The following GRM8 variants were observed in gnomAD, a reference collection of about 807,000 sequenced individuals.
GRM8 encodes glutamate metabotropic receptor 8.
In GRM8, 47 loss-of-function variants were observed where a neutral mutation model predicts 87.2. The ratio of observed to expected loss-of-function variants is 0.54; its 90% CI spans 0.43 to 0.69. The LOEUF (loss-of-function observed/expected upper bound fraction) is 0.69, where lower values mean the gene tolerates loss of function less well. Among genes scored for constraint, GRM8 ranks in the 30% least tolerant of loss-of-function variants. GRM8 has a pLI of 0.00. For missense variants in GRM8, 1,019 were observed against 1,139.2 expected (o/e 0.89, Z 1.52); for synonymous variants, 396 against 404.5 (o/e 0.98, Z 0.25).
In GRM8 at chr7:127,106,749, G is replaced by A. The variant is rs776156079; in HGVS notation, c.511-37C>T. On this transcript the variant is annotated intron_variant, in intron 2 of 10. Coordinates refer to ENST00000339582, the MANE Select transcript of GRM8 (RefSeq NM_000845.3). ...ATGATGGGTCATTTCAACCCATGAC[G>A]AATCTTGAAGAATGATGGATTGTCA... The A allele has an allele frequency of 1.5e-5, 20 of 1,353,496 alleles. No individual in the cohort carries two copies. The Middle Eastern group carries it at 2.0e-3, about 133-fold the overall frequency. The allele number at this position is 1,353,496 out of a possible 1,614,324, so 83.8% of individuals were successfully genotyped here. A position where few individuals can be genotyped will look rare whatever the true frequency, so the allele number is the denominator to read the frequency against.
intron 6 of GRM8, among the ~76,000 whole-genome samples, chr7:126,897,668 G>A (rs1365006071): frequency 1.3e-5 from 2 of 151,906 alleles, no homozygotes; most frequent in African/African-American, 2.4e-5. Flanking sequence ...TTTTCTTCTC[G>A]AGAAAGACAA....
At chr7:127,040,961 G>A (rs11971261) in intron 3 of GRM8, among the ~76,000 whole-genome samples, 38,605 of 152,204 alleles carry the variant, frequency 0.25, 5,855 homozygotes, top group Non-Finnish European at 0.35. Flanking sequence ...TCCAATCCTT[G>A]CATCTCCAAT....
intron 3 of GRM8, among the ~76,000 whole-genome samples, chr7:127,067,891 C>T (rs538756190): frequency 3.3e-5 from 5 of 152,186 alleles, no homozygotes; most frequent in African/African-American, 1.2e-4. Context: ...TCATGTAAAA[C>T]TTGAATTTAA....
At chr7:126,475,208 G>C (rs1282337164) in intron 9 of GRM8, among the ~76,000 whole-genome samples, 2 of 151,956 alleles carry the variant, frequency 1.3e-5, no homozygotes, top group Non-Finnish European at 2.9e-5. Context: ...GTTTACAAAT[G>C]ACATGATTTT....
intron 7 of GRM8, among the ~76,000 whole-genome samples, chr7:126,753,005 T>C (rs1816595747): frequency 6.6e-6 from 1 of 152,118 alleles, no homozygotes; most frequent in African/African-American, 2.4e-5. Context: ...ATGCCTAGTA[T>C]ACAGTAAGCA....
At chr7:127,015,241 GA>G in intron 3 of GRM8, among the ~76,000 whole-genome samples, 1 of 120,764 alleles carries the variant, frequency 8.3e-6, no homozygotes, top group Non-Finnish European at 1.7e-5. Context: ...AGAAGAAGAA[GA>G]AGAAGAAGAA....
intron 6 of GRM8, among the ~76,000 whole-genome samples, chr7:126,813,195 AG>A (rs1793464966): frequency 6.6e-6 from 1 of 152,066 alleles, no homozygotes; most frequent in Non-Finnish European, 1.5e-5. Context: ...CTTCCTAGGG[AG>A]GTGACTATTA....
chr7:127,135,372 G>T (rs1041727375), intron 2 of GRM8, among the ~76,000 whole-genome samples: 5 of 151,906 alleles, frequency 3.3e-5, no homozygotes, highest in Non-Finnish European at 7.4e-5. Context: ...AAAATTTTAG[G>T]TGGTGTTTGA....
At chr7:127,076,224 AG>A (rs1822243414) in intron 3 of GRM8, 1 of 456,506 alleles carries the variant, frequency 2.2e-6, no homozygotes, top group Admixed American at 2.3e-5. Context: ...AATCCCAAAC[AG>A]GGATGGATAA....
At chr7:126,750,688 A>T (rs2151540616) in intron 7 of GRM8, among the ~76,000 whole-genome samples, 1 of 152,118 alleles carries the variant, frequency 6.6e-6, no homozygotes, top group Non-Finnish European at 1.5e-5. Context: ...TTTGCTCCTC[A>T]GTTCCTGTTT....
chr7:126,478,589 T>C (rs1452825229), intron 9 of GRM8, among the ~76,000 whole-genome samples: 2 of 152,130 alleles, frequency 1.3e-5, no homozygotes, highest in African/African-American at 2.4e-5. Flanking sequence ...TTGCATACTG[T>C]TTATTACATT....
chr7:126,727,298 T>C (rs1361956687), intron 7 of GRM8, among the ~76,000 whole-genome samples: 1 of 152,038 alleles, frequency 6.6e-6, no homozygotes, highest in Non-Finnish European at 1.5e-5. Context: ...ATGCTGATCA[T>C]TGACATTCAT....
intron 6 of GRM8, among the ~76,000 whole-genome samples, chr7:126,858,068 AAAT>A (rs1392010385): frequency 6.6e-6 from 1 of 152,178 alleles, no homozygotes; most frequent in Non-Finnish European, 1.5e-5. Flanking sequence ...TCATCAAAGA[AAAT>A]AATAACCCCA....
intron 3 of GRM8, among the ~76,000 whole-genome samples, chr7:126,927,031 G>A (rs1176527953): frequency 6.6e-6 from 1 of 152,194 alleles, no homozygotes; most frequent in Non-Finnish European, 1.5e-5. Flanking sequence ...ATACATGTTT[G>A]TTGGATTAAC....
intron 2 of GRM8, among the ~76,000 whole-genome samples, chr7:127,132,777 G>A (rs534864131): frequency 1.2e-3 from 181 of 152,022 alleles, no homozygotes; most frequent in African/African-American, 4.2e-3. Context: ...AAAGGGTCTG[G>A]GCACTCTAGG....
intron 3 of GRM8, among the ~76,000 whole-genome samples, chr7:127,028,113 T>A (rs938213410): frequency 2.0e-5 from 3 of 152,194 alleles, no homozygotes; most frequent in Non-Finnish European, 4.4e-5. Context: ...TTGGTTCTGT[T>A]TATGTGACAG....
intron 3 of GRM8, among the ~76,000 whole-genome samples, chr7:127,095,168 G>A (rs1422503645): frequency 6.6e-6 from 1 of 152,232 alleles, no homozygotes; most frequent in Admixed American, 6.5e-5. Flanking sequence ...AGGATCTGAA[G>A]TGTAAGTCAA....
chr7:127,139,017 T>C (rs1390546755), intron 2 of GRM8, among the ~76,000 whole-genome samples: 1 of 152,144 alleles, frequency 6.6e-6, no homozygotes, highest in Non-Finnish European at 1.5e-5. Context: ...CAGACAGATA[T>C]ATGCGACATG....
chr7:126,481,446 C>T (rs960810798), intron 9 of GRM8, among the ~76,000 whole-genome samples: 5 of 151,992 alleles, frequency 3.3e-5, no homozygotes, highest in African/African-American at 1.2e-4. Flanking sequence ...GGTTCATTCA[C>T]ATGTAATAAA....
Sources: gnomAD v4.1 joint callset for allele counts (sites outside exome capture counted in the v4.1 genomes callset) on GRCh38, gnomAD v4.1.1 for gene constraint, MANE v1.5 for transcripts, NCBI Gene and HGNC (gene_info 2026-07-23, HGNC 2026-07-21) for gene names.